ERBIN: variants seen among roughly 807,000 people sequenced by gnomAD.
ERBIN encodes the protein erbb2 interacting protein.
ERBIN carries 60 observed loss-of-function variants against 158.4 expected under a neutral mutation model. The ratio of observed to expected loss-of-function variants is 0.38; its 90% confidence interval spans 0.31 to 0.47. The LOEUF (loss-of-function observed/expected upper bound fraction) is 0.47. Among genes scored for constraint, ERBIN ranks in the 20% least tolerant of loss-of-function variants. The pLI is 0.99. For missense variants in ERBIN, 1,610 were observed against 1,648.0 expected (o/e 0.98, Z 0.40); for synonymous variants, 594 against 557.2 (o/e 1.07, Z -0.93).
intron 1 of ERBIN, among the ~76,000 whole-genome samples, chr5:65,980,396 C>G (rs1278772957): frequency 1.3e-5 from 2 of 151,942 alleles, no homozygotes; most frequent in Admixed American, 1.3e-4. Context: ...CCACTGCACT[C>G]CAGCCTGGAT....
chr5:65,950,679 G>A (rs777603698), intron 1 of ERBIN, among the ~76,000 whole-genome samples: 55 of 152,290 alleles, frequency 3.6e-4, no homozygotes, highest in South Asian at 1.7e-3. Flanking sequence ...TGAGAGAGAA[G>A]TACCAAATAA....
chr5:65,969,977 G>C (rs1203432527), intron 1 of ERBIN, among the ~76,000 whole-genome samples: 1 of 152,134 alleles, frequency 6.6e-6, no homozygotes, highest in African/African-American at 2.4e-5. Context: ...ATAAACTTCA[G>C]ATGTTTCTCT....
At chr5:66,014,570 C>A in intron 6 of ERBIN, 99 bp from the exon 7 acceptor site, 1 of 566,770 alleles carries the variant, frequency 1.8e-6, no homozygotes, top group Non-Finnish European at 3.0e-6. Context: ...TTAGTAATTA[C>A]ACAATTACAT....
At chr5:66,050,055 C>G (rs942603985) in intron 19 of ERBIN, among the ~76,000 whole-genome samples, 6 of 151,942 alleles carry the variant, frequency 3.9e-5, no homozygotes, top group African/African-American at 1.4e-4. Flanking sequence ...GGAAAAAATT[C>G]CATATATGTA....
intron 18 of ERBIN, 150 bp from the exon 19 acceptor site, chr5:66,048,517 A>G: frequency 1.7e-6 from 1 of 603,804 alleles, no homozygotes; most frequent in South Asian, 2.1e-5. Flanking sequence ...CAGTCTTGGA[A>G]GGACTGGTTG....
At position 65,994,728 on chromosome 5, in the gene ERBIN, T is replaced by C; in HGVS notation, c.190-19T>C. ...AAAGATGTATATAATTGACATTCTT[T>C]CCTCCCTTTTTTCAATAGCAACTTT... is the stretch of plus-strand genomic sequence containing the variant. On this transcript the variant is annotated intron_variant, in intron 3 of 25. Transcript: ENST00000284037. 7.4e-7 allele frequency: 1 copy of C among 1,347,126 alleles called. No individual in the cohort carries two copies. Among genetic ancestry groups the C allele is most frequent in the South Asian group, 1.3e-5 (1 of 79,910 alleles). The allele number at this position is 1,347,126 out of a possible 1,614,324, so 83.4% of individuals were successfully genotyped here. A position where few individuals can be genotyped will look rare whatever the true frequency, so the allele number is the denominator to read the frequency against.
intron 1 of ERBIN, among the ~76,000 whole-genome samples, chr5:65,931,997 T>A (rs1743468547): frequency 1.3e-5 from 2 of 151,978 alleles, no homozygotes; most frequent in South Asian, 4.1e-4. Flanking sequence ...TTTGTATTTT[T>A]TGTAGAGACA....
chr5:66,068,133 C>G (rs573508690), intron 21 of ERBIN, among the ~76,000 whole-genome samples: 5 of 151,738 alleles, frequency 3.3e-5, no homozygotes, highest in Middle Eastern at 3.4e-3. Context: ...TTTGAGACCA[C>G]CCTGGACAAG....
At chr5:65,934,821 G>A (rs1012958566) in intron 1 of ERBIN, among the ~76,000 whole-genome samples, 4 of 151,998 alleles carry the variant, frequency 2.6e-5, no homozygotes, top group Non-Finnish European at 5.9e-5. Flanking sequence ...GTTTATCTTC[G>A]CAAGGACATA....
At chr5:65,964,947 A>AGTGTT (rs1748387029) in intron 1 of ERBIN, among the ~76,000 whole-genome samples, 1 of 75,676 alleles carries the variant, frequency 1.3e-5, no homozygotes. Context: ...TGTGTGTGTA[A>AGTGTT]TTTTTTTTTT....
chr5:65,996,377 C>T (rs1382985349), intron 4 of ERBIN, among the ~76,000 whole-genome samples: 2 of 151,580 alleles, frequency 1.3e-5, no homozygotes, highest in Non-Finnish European at 2.9e-5. Flanking sequence ...CCAGTTGTCC[C>T]AACACCATTT....
At chr5:65,939,670 CCGAGTGCCTG>C (rs1561268581) in intron 1 of ERBIN, among the ~76,000 whole-genome samples, 1 of 14,328 alleles carries the variant, frequency 7.0e-5, no homozygotes, top group Non-Finnish European at 7.5e-4. Context: ...CCTCAGCCTG[CCGAGTGCCTG>C]CGATTGCAGG....
intron 4 of ERBIN, among the ~76,000 whole-genome samples, chr5:66,003,497 A>G (rs2151080126): frequency 6.6e-6 from 1 of 152,292 alleles, no homozygotes; most frequent in African/African-American, 2.4e-5. Flanking sequence ...AGAGAAGTTG[A>G]TTAGAGTAGA....
At chr5:66,064,959 C>CA (rs1370476794) in intron 21 of ERBIN, among the ~76,000 whole-genome samples, 16 of 152,286 alleles carry the variant, frequency 1.1e-4, no homozygotes, top group African/African-American at 3.1e-4. Context: ...TTCAGCCTCT[C>CA]AAAGTGCTGT....
chr5:66,081,003 AAT>A lies in ERBIN; in HGVS notation c.*2475_*2476del, dbSNP rs1482139709. 1 of 152,014 alleles carries A rather than the reference AAT, an allele frequency of 6.6e-6. No homozygotes were observed. The highest frequency in any genetic ancestry group is 1.5e-5 in the Non-Finnish European group (1 of 67,868). 9.4% of individuals were successfully genotyped at this position (152,014 alleles called of 1,614,324 possible). A position where few individuals can be genotyped will look rare whatever the true frequency, so the allele number is the denominator to read the frequency against. On this transcript the variant is annotated 3_prime_UTR_variant, in exon 26 of 26. Coordinates refer to ENST00000284037, the MANE Select transcript of ERBIN (RefSeq NM_001253697.2). ...TAATAAAGTTTCAAAATTTGAATAA[AAT>A]AATTAAATTTTTTGAGGAAGTGGAG...
chr5:65,940,538 C>G, intron 1 of ERBIN, among the ~76,000 whole-genome samples: 1 of 140,436 alleles, frequency 7.1e-6, no homozygotes, highest in South Asian at 2.2e-4. Flanking sequence ...GCCCCCTGCC[C>G]GGCCAGCCGC....
chr5:65,941,181 G>A (rs565235130), intron 1 of ERBIN, among the ~76,000 whole-genome samples: 1 of 152,002 alleles, frequency 6.6e-6, no homozygotes, highest in South Asian at 2.1e-4. Flanking sequence ...AAACACTGTG[G>A]AAGGCCGCAG....
At chr5:65,986,853 T>C (rs996194420) in intron 1 of ERBIN, among the ~76,000 whole-genome samples, 1 of 152,224 alleles carries the variant, frequency 6.6e-6, no homozygotes, top group Admixed American at 6.5e-5. Context: ...AAATAGAGAA[T>C]AGTTAGCATT....
intron 20 of ERBIN, among the ~76,000 whole-genome samples, chr5:66,052,444 T>C (rs1759139362): frequency 6.6e-6 from 1 of 152,184 alleles, no homozygotes; most frequent in Non-Finnish European, 1.5e-5. Flanking sequence ...GAGCTGCTGT[T>C]TAAAATACTA....
Sources: gnomAD v4.1 joint callset for allele counts (sites outside exome capture counted in the v4.1 genomes callset) on GRCh38, gnomAD v4.1.1 for gene constraint, MANE v1.5 for transcripts, NCBI Gene and HGNC (gene_info 2026-07-23, HGNC 2026-07-21) for gene names.